DNAAF9: variants seen among roughly 807,000 people sequenced by gnomAD.
DNAAF9 encodes the protein shulin.
Under a neutral mutation model 167.0 loss-of-function variants are expected in DNAAF9, and 90 were observed. The observed-to-expected ratio is 0.54, with a 90% CI of 0.45 to 0.64. The LOEUF is 0.64. DNAAF9 is among the 30% of genes least tolerant of loss of function. The pLI, the probability that DNAAF9 is intolerant of heterozygous loss-of-function variation, is 0.00. For missense variants in DNAAF9, 1,315 were observed against 1,442.2 expected, an observed-to-expected ratio of 0.91 and a Z score of 1.43; for synonymous variants, 491 against 508.8, an observed-to-expected ratio of 0.96 and a Z score of 0.47.
At chr20:3,354,495 T>C (rs943028001) in intron 7 of DNAAF9, among the ~76,000 whole-genome samples, 2 of 152,236 alleles carry the variant, frequency 1.3e-5, no homozygotes, top group Non-Finnish European at 2.9e-5. Context: ...CAAGTCCATA[T>C]TCATTGTACC....
intron 7 of DNAAF9, among the ~76,000 whole-genome samples, chr20:3,350,156 G>GACACACACACACACAC (rs35251429): frequency 0.012 from 1,034 of 89,874 alleles, 9 homozygotes; most frequent in Non-Finnish European, 0.017. Flanking sequence ...CAGACACACA[G>GACACACACACACACAC]ACACACACAC....
chr20:3,350,117 A>G (rs2070284835), intron 7 of DNAAF9, among the ~76,000 whole-genome samples: 1 of 149,834 alleles, frequency 6.7e-6, no homozygotes. Context: ...TGCTGCCCAG[A>G]CTATCAGACA....
At chr20:3,341,908 G>C (rs1347832817) in intron 9 of DNAAF9, among the ~76,000 whole-genome samples, 1 of 152,130 alleles carries the variant, frequency 6.6e-6, no homozygotes, top group Non-Finnish European at 1.5e-5. Context: ...CTCCCGAGTA[G>C]CTGGGACTGC....
rs2068208414 is a variant in DNAAF9 at position 3,252,449 on chromosome 20, A to G, written c.*123T>C. The G allele has an allele frequency of 1.5e-6, 1 of 669,212 alleles. No individual in the cohort carries two copies. Among genetic ancestry groups the G allele is most frequent in the Non-Finnish European group, 2.7e-6 (1 of 367,388 alleles). 41.5% of individuals were successfully genotyped at this position (669,212 alleles called of 1,614,324 possible). A position where few individuals can be genotyped will look rare whatever the true frequency, so the allele number is the denominator to read the frequency against. On this transcript the variant is annotated 3_prime_UTR_variant, in exon 37 of 37. Transcript: ENST00000252032. ...ACAACATGCACTCAAGCCAGCCCACACAGGCCAAGGAGAACAAAGACAGCC... is the reference window on the plus strand; with the variant it reads ...ACAACATGCACTCAAGCCAGCCCACGCAGGCCAAGGAGAACAAAGACAGCC...
chr20:3,331,915 C>T (rs2123080717), intron 11 of DNAAF9, among the ~76,000 whole-genome samples: 1 of 152,344 alleles, frequency 6.6e-6, no homozygotes, highest in Admixed American at 6.5e-5. Flanking sequence ...CTTAAGTGAT[C>T]TGCCTGCCTG....
At chr20:3,270,860 T>C (rs572944674) in intron 29 of DNAAF9, among the ~76,000 whole-genome samples, 1 of 151,098 alleles carries the variant, frequency 6.6e-6, no homozygotes, top group African/African-American at 2.4e-5. Context: ...TTGCCCAGGC[T>C]GGAGTGCAGT....
intron 29 of DNAAF9, among the ~76,000 whole-genome samples, chr20:3,273,939 C>T (rs962727047): frequency 2.0e-5 from 3 of 152,170 alleles, no homozygotes; most frequent in Non-Finnish European, 4.4e-5. Flanking sequence ...CACTGTTCTG[C>T]ACCTTTTCCC....
At chr20:3,256,288 G>T in intron 33 of DNAAF9, 77 bp from the exon 34 acceptor site, 1 of 1,014,728 alleles carries the variant, frequency 9.9e-7, no homozygotes. Context: ...TGACAATGCA[G>T]ATGGTTGGGA....
chr20:3,368,600 C>T (rs1748450011), intron 6 of DNAAF9, among the ~76,000 whole-genome samples: 1 of 151,442 alleles, frequency 6.6e-6, no homozygotes, highest in Admixed American at 6.6e-5. Context: ...GAAAGCTCCG[C>T]CACCCAGGTT....
chr20:3,253,670 C>T, intron 36 of DNAAF9, 56 bp downstream of exon 36: 3 of 1,050,438 alleles, frequency 2.9e-6, no homozygotes, highest in Admixed American at 3.4e-5. Flanking sequence ...CAGGGTCACA[C>T]ACTCCCAGCC....
chr20:3,392,157 A>G (rs1414426231), intron 1 of DNAAF9, among the ~76,000 whole-genome samples: 4 of 152,126 alleles, frequency 2.6e-5, no homozygotes, highest in South Asian at 4.1e-4. Context: ...ACAGAGTGAG[A>G]CTCTTATCTA....
chr20:3,278,311 T>G (rs1367901466), intron 29 of DNAAF9, among the ~76,000 whole-genome samples: 1 of 152,106 alleles, frequency 6.6e-6, no homozygotes, highest in Non-Finnish European at 1.5e-5. Flanking sequence ...TGAATCAAGA[T>G]CTTGCTGATC....
Position 3,278,966 on chromosome 20 carries a change from G to C in DNAAF9, c.2613-17C>G. ...AAGAGAAATCTAGGGGGAAAAAAGG[G>C]GGAAATATTTAAAAACCATTCACCT... On this transcript the variant is annotated splice_polypyrimidine_tract_variant and intron_variant, in intron 28 of 36. Transcript: ENST00000252032. The C allele has an allele frequency of 6.3e-7, 1 of 1,578,790 alleles. No homozygotes were observed. The highest frequency in any genetic ancestry group is 8.7e-7 in the Non-Finnish European group (1 of 1,149,130).
At chr20:3,307,411 G>A (rs550153247) in intron 20 of DNAAF9, among the ~76,000 whole-genome samples, 5 of 152,210 alleles carry the variant, frequency 3.3e-5, no homozygotes, top group South Asian at 2.1e-4. Context: ...GACTTACTGG[G>A]TGGCCCAGTG....
chr20:3,292,149 C>A (rs1025040928), intron 25 of DNAAF9, among the ~76,000 whole-genome samples: 2 of 152,068 alleles, frequency 1.3e-5, no homozygotes, highest in African/African-American at 4.8e-5. Context: ...CAGGCACCTG[C>A]CACCAATGCC....
intron 6 of DNAAF9, among the ~76,000 whole-genome samples, chr20:3,365,024 G>C (rs1286112102): frequency 6.6e-6 from 1 of 150,460 alleles, no homozygotes; most frequent in Admixed American, 6.6e-5. Context: ...GCTCACTGCA[G>C]CCTTGACCTT....
intron 33 of DNAAF9, among the ~76,000 whole-genome samples, chr20:3,258,693 G>A (rs995441263): frequency 1.4e-4 from 22 of 152,068 alleles, no homozygotes; most frequent in Admixed American, 5.9e-4. Context: ...GGGAGGACAC[G>A]AAGACATACA....
intron 7 of DNAAF9, among the ~76,000 whole-genome samples, chr20:3,353,060 A>G (rs1160655424): frequency 2.0e-5 from 3 of 149,246 alleles, no homozygotes; most frequent in Non-Finnish European, 3.0e-5. Context: ...ATATGTATAT[A>G]TAACACATTA....
chr20:3,317,457 T>C lies in DNAAF9; in HGVS notation c.1469-664A>G, dbSNP rs992405875. Among the ~76,000 whole-genome samples, 7 of 151,842 alleles carry C rather than the reference T, an allele frequency of 4.6e-5. No individual in the cohort carries two copies. The East Asian group carries it at 1.2e-3, about 25-fold the overall frequency. On this transcript the variant is annotated intron_variant, in intron 17 of 36. Transcript: ENST00000252032. ...CTTTTTAATTTTTATCAAGGTAGTATAGGTATACATATTAAAGATCAAAGA... is the reference window on the plus strand; with the variant it reads ...CTTTTTAATTTTTATCAAGGTAGTACAGGTATACATATTAAAGATCAAAGA...
Sources: gnomAD v4.1 joint callset for allele counts (sites outside exome capture counted in the v4.1 genomes callset) on GRCh38, gnomAD v4.1.1 for gene constraint, MANE v1.5 for transcripts, NCBI Gene and HGNC (gene_info 2026-07-23, HGNC 2026-07-21) for gene names.